Variants in LINGO2 observed in about 807,000 individuals in gnomAD.
LINGO2 encodes leucine-rich repeat and immunoglobulin-like domain-containing nogo receptor-interacting protein 2.
A neutral mutation model predicts 30.6 loss-of-function variants in LINGO2; 14 were observed. The ratio of observed to expected loss-of-function variants is 0.46; its 90% CI spans 0.30 to 0.72. The LOEUF is 0.72. Ranked by LOEUF, LINGO2 falls within the 30% of genes least tolerant of loss-of-function variation. The pLI is 0.07. For synonymous variants in LINGO2, 317 were observed against 288.5 expected (o/e 1.10, Z -1.00); for missense variants, 729 against 751.7 (o/e 0.97, Z 0.35).
chr9:28,715,230 C>T, the LINGO2 span, among the ~76,000 whole-genome samples: 1 of 152,116 alleles, frequency 6.6e-6, no homozygotes, highest in South Asian at 2.1e-4. Context: ...AGTAAATGAG[C>T]AGACTGTTCA....
At chr9:28,486,182 T>C (rs1179841517) in intron 1 of LINGO2, among the ~76,000 whole-genome samples, 1 of 152,144 alleles carries the variant, frequency 6.6e-6, no homozygotes, top group Admixed American at 6.6e-5. Context: ...CTACTGAGTG[T>C]TGTTCACTTC....
the LINGO2 span, among the ~76,000 whole-genome samples, chr9:28,998,598 C>T: frequency 6.6e-6 from 1 of 151,676 alleles, no homozygotes; most frequent in African/African-American, 2.4e-5. Context: ...TAATAGTTTC[C>T]TAGTTCACTG....
At chr9:29,065,483 T>C in the LINGO2 span, among the ~76,000 whole-genome samples, 3 of 152,272 alleles carry the variant, frequency 2.0e-5, no homozygotes, top group Admixed American at 2.0e-4. Context: ...ATCTTCTGCA[T>C]ATGGCTAGCC....
chr9:28,166,748 G>C (rs1200695978), intron 4 of LINGO2, among the ~76,000 whole-genome samples: 9 of 149,700 alleles, frequency 6.0e-5, no homozygotes, highest in Admixed American at 5.3e-4. Context: ...TTTTTTCCTG[G>C]AATTCCAAAG....
At position 28,231,950 on chromosome 9, in the gene LINGO2, T is replaced by C. The variant is rs190170930; in HGVS notation, c.-87+63258A>G. 7.9e-5 allele frequency among the ~76,000 whole-genome samples: 12 copies of C among 152,274 alleles called. No homozygotes were observed. The East Asian group carries it at 2.3e-3, about 29-fold the overall frequency. On this transcript the variant is annotated intron_variant, in intron 4 of 5. Transcript: ENST00000379992. ...ATACTTGTTTCTTTAATATTTTCAA[T>C]GTCAATATTCAATGTTTATATTTAA... is the stretch of plus-strand genomic sequence containing the variant.
intron 3 of LINGO2, among the ~76,000 whole-genome samples, chr9:28,318,551 C>T (rs962822249): frequency 6.6e-6 from 1 of 152,106 alleles, no homozygotes; most frequent in Non-Finnish European, 1.5e-5. Flanking sequence ...GAATGTGACA[C>T]TTGTTTGGCT....
chr9:28,474,012 C>A (rs951267674), intron 2 of LINGO2, among the ~76,000 whole-genome samples: 1 of 152,014 alleles, frequency 6.6e-6, no homozygotes, highest in East Asian at 1.9e-4. Flanking sequence ...AAGCTATTCC[C>A]GAACATCTGT....
chr9:29,071,975 C>T, the LINGO2 span, among the ~76,000 whole-genome samples: 1 of 151,942 alleles, frequency 6.6e-6, no homozygotes, highest in African/African-American at 2.4e-5. Context: ...TAGAAGAAAC[C>T]TTTTTATTAT....
At chr9:28,911,326 T>G in the LINGO2 span, among the ~76,000 whole-genome samples, 4 of 108,064 alleles carry the variant, frequency 3.7e-5, no homozygotes, top group South Asian at 1.1e-3. Flanking sequence ...ATAAAACTCA[T>G]ATTGGTAAGC....
At chr9:28,163,839 T>TTTAAC (rs1426216450) in intron 4 of LINGO2, among the ~76,000 whole-genome samples, 11 of 152,286 alleles carry the variant, frequency 7.2e-5, no homozygotes, top group Non-Finnish European at 1.6e-4. Context: ...CTGGACTTAG[T>TTTAAC]TAAAGCTCTA....
At chr9:28,098,894 G>A (rs550286026) in intron 4 of LINGO2, among the ~76,000 whole-genome samples, 1 of 152,158 alleles carries the variant, frequency 6.6e-6, no homozygotes, top group Non-Finnish European at 1.5e-5. Flanking sequence ...GAATATGTTT[G>A]TGTTATTGAA....
chr9:28,934,749 A>G, the LINGO2 span, among the ~76,000 whole-genome samples: 16 of 152,266 alleles, frequency 1.1e-4, no homozygotes, highest in Non-Finnish European at 2.1e-4. Flanking sequence ...TTTGAATTCA[A>G]TTTTAAGTTT....
the LINGO2 span, among the ~76,000 whole-genome samples, chr9:28,739,934 G>A: frequency 7.7e-6 from 1 of 130,092 alleles, no homozygotes; most frequent in Admixed American, 7.3e-5. Context: ...ATATATATAT[G>A]TGTGTATATA....
the LINGO2 span, among the ~76,000 whole-genome samples, chr9:29,163,723 G>C: frequency 6.6e-6 from 1 of 152,112 alleles, no homozygotes; most frequent in South Asian, 2.1e-4. Context: ...CAATGATTCA[G>C]GATTACAAAT....
the LINGO2 span, among the ~76,000 whole-genome samples, chr9:29,180,871 T>A: frequency 5.1e-4 from 77 of 152,214 alleles, 1 homozygote; most frequent in African/African-American, 1.8e-3. Flanking sequence ...AAAGAAAGAA[T>A]AACCAAACAC....
chr9:29,213,499 G>C, the LINGO2 span, among the ~76,000 whole-genome samples: 1 of 152,230 alleles, frequency 6.6e-6, no homozygotes, highest in South Asian at 2.1e-4. Context: ...GCGGGCGGCG[G>C]CGCCAGGTGA....
the LINGO2 span, among the ~76,000 whole-genome samples, chr9:28,739,563 C>A: frequency 1.3e-5 from 2 of 151,814 alleles, no homozygotes; most frequent in Non-Finnish European, 3.0e-5. Context: ...GAATAAATTT[C>A]TCCAAAGAAT....
At chr9:28,091,309 A>C (rs1587834623) in intron 4 of LINGO2, among the ~76,000 whole-genome samples, 1 of 152,256 alleles carries the variant, frequency 6.6e-6, no homozygotes, top group East Asian at 1.9e-4. Flanking sequence ...ACCTGACTTC[A>C]AACTATACTA....
At chr9:28,942,168 A>C in the LINGO2 span, among the ~76,000 whole-genome samples, 1 of 152,208 alleles carries the variant, frequency 6.6e-6, no homozygotes, top group African/African-American at 2.4e-5. Flanking sequence ...GAAAAGCAGA[A>C]TTGGCAGACC....
Sources: gnomAD v4.1 joint callset for allele counts (sites outside exome capture counted in the v4.1 genomes callset) on GRCh38, gnomAD v4.1.1 for gene constraint, MANE v1.5 for transcripts, NCBI Gene and HGNC (gene_info 2026-07-23, HGNC 2026-07-21) for gene names.